SYT1: variants seen among roughly 807,000 people sequenced by gnomAD.
SYT1 encodes synaptotagmin 1.
A neutral mutation model predicts 44.8 loss-of-function variants in SYT1; 8 were observed. That is an observed-to-expected ratio of 0.18 (90% confidence interval 0.10 to 0.32). SYT1 has a LOEUF of 0.32. Ranked by LOEUF, SYT1 falls within the 10% of genes least tolerant of loss-of-function variation. The pLI, the probability that SYT1 is intolerant of heterozygous loss-of-function variation, is 1.00. For synonymous variants in SYT1, 154 were observed against 188.8 expected (o/e 0.82, Z 1.51); for missense variants, 286 against 509.3 (o/e 0.56, Z 4.22).
At chr12:79,438,277 A>G (rs1217262155) in intron 9 of SYT1, among the ~76,000 whole-genome samples, 2 of 152,166 alleles carry the variant, frequency 1.3e-5, no homozygotes, top group African/African-American at 4.8e-5. Context: ...CAAAAAAAAG[A>G]TGGCAGATTC....
intron 8 of SYT1, among the ~76,000 whole-genome samples, chr12:79,320,756 TG>T (rs1218007790): frequency 1.3e-5 from 2 of 150,954 alleles, no homozygotes; most frequent in Admixed American, 6.6e-5. Flanking sequence ...CCAAGTAGCT[TG>T]GACTATAGGC....
chr12:78,970,694 T>G (rs1450126625), intron 1 of SYT1, among the ~76,000 whole-genome samples: 1 of 152,142 alleles, frequency 6.6e-6, no homozygotes, highest in African/African-American at 2.4e-5. Context: ...CCACTAGCCT[T>G]TAGCACATAC....
intron 2 of SYT1, among the ~76,000 whole-genome samples, chr12:79,030,021 C>T (rs1565771232): frequency 6.6e-6 from 1 of 151,000 alleles, no homozygotes; most frequent in Non-Finnish European, 1.5e-5. Flanking sequence ...GTTTTCTCTT[C>T]AACATGTGAT....
At chr12:79,336,993 A>G (rs1882120207) in intron 8 of SYT1, among the ~76,000 whole-genome samples, 1 of 151,978 alleles carries the variant, frequency 6.6e-6, no homozygotes, top group African/African-American at 2.4e-5. Flanking sequence ...TCCTTTAAAT[A>G]GCTCTTCTCT....
chr12:79,306,808 G>A lies in SYT1; in HGVS notation c.810+7257G>A, dbSNP rs1163652452. ...AAGCTGGCAGAGCAGAAAGTGAGGA[G>A]TGGGAGTTGAAATGGGAACAAATAT... On this transcript the variant is annotated intron_variant, in intron 8 of 10. Transcript: ENST00000261205. Among the ~76,000 whole-genome samples the A allele has an allele frequency of 2.0e-5, 3 of 152,194 alleles. No individual in the cohort carries two copies. The South Asian group carries it at 6.2e-4, about 32-fold the overall frequency.
chr12:79,332,461 T>G (rs1592973933), intron 8 of SYT1, among the ~76,000 whole-genome samples: 1 of 152,200 alleles, frequency 6.6e-6, no homozygotes, highest in East Asian at 1.9e-4. Flanking sequence ...GAGATGATCT[T>G]GACTTTCTCT....
intron 3 of SYT1, among the ~76,000 whole-genome samples, chr12:79,154,483 T>C (rs1450039600): frequency 6.6e-6 from 1 of 151,760 alleles, no homozygotes; most frequent in Non-Finnish European, 1.5e-5. Flanking sequence ...AGCTTGTAAG[T>C]TTTGGAGCTA....
intron 8 of SYT1, among the ~76,000 whole-genome samples, chr12:79,300,031 T>C (rs1880059139): frequency 6.6e-6 from 1 of 152,198 alleles, no homozygotes; most frequent in Non-Finnish European, 1.5e-5. Flanking sequence ...TACGAGAGCA[T>C]GATTGGTCAA....
intron 1 of SYT1, among the ~76,000 whole-genome samples, chr12:78,884,085 C>T (rs1874605071): frequency 6.6e-6 from 1 of 151,442 alleles, no homozygotes; most frequent in South Asian, 2.1e-4. Context: ...TGTTTTCTTT[C>T]AGTCAGCCAC....
At chr12:79,028,046 A>T (rs1001023224) in intron 2 of SYT1, among the ~76,000 whole-genome samples, 4 of 151,560 alleles carry the variant, frequency 2.6e-5, no homozygotes, top group African/African-American at 9.7e-5. Context: ...AGGATATTGA[A>T]TATGACCAAA....
At position 79,421,087 on chromosome 12, in the gene SYT1, T is replaced by G. The variant is rs140078537; in HGVS notation, c.929-22986T>G. Reference sequence around the variant, plus strand: ...TTAGGAGGGAATTTATTGTTAGTACTTTCAAAGTAGACCTAAAAACACCAC... The same window carrying G: ...TTAGGAGGGAATTTATTGTTAGTACGTTCAAAGTAGACCTAAAAACACCAC... On this transcript the variant is annotated intron_variant, in intron 9 of 10. Transcript: ENST00000261205. Among the ~76,000 whole-genome samples the G allele has an allele frequency of 2.0e-5, 3 of 152,244 alleles. No homozygotes were observed. In the East Asian group the frequency reaches 5.8e-4, roughly 29 times the overall value.
At chr12:78,989,435 A>T (rs948778880) in intron 2 of SYT1, among the ~76,000 whole-genome samples, 6 of 152,136 alleles carry the variant, frequency 3.9e-5, no homozygotes, top group Non-Finnish European at 5.9e-5. Flanking sequence ...GATTATTGAT[A>T]TGAAAACCCT....
chr12:79,031,800 C>T (rs2137674579), intron 2 of SYT1, among the ~76,000 whole-genome samples: 1 of 151,146 alleles, frequency 6.6e-6, no homozygotes, highest in Non-Finnish European at 1.5e-5. Flanking sequence ...AAATCCTAAT[C>T]ATGGGAAATG....
At chr12:78,931,957 T>A (rs762716357) in intron 1 of SYT1, among the ~76,000 whole-genome samples, 2 of 145,804 alleles carry the variant, frequency 1.4e-5, no homozygotes, top group Non-Finnish European at 3.0e-5. Flanking sequence ...TCTACAAGAA[T>A]CTTTAAACTT....
At position 79,296,074 on chromosome 12, in the gene SYT1, G is replaced by A. The variant is rs755672472; in HGVS notation, c.480G>A (p.Leu160=). 1.9e-5 allele frequency: 30 copies of A among 1,608,974 alleles called. No homozygotes were observed. The highest frequency in any genetic ancestry group is 3.4e-5 in the Admixed American group (2 of 58,850). Residue 160 remains leucine, a synonymous_variant, in exon 7 of 11, where the codon CTG becomes CTA. Coordinates refer to ENST00000261205, the MANE Select transcript of SYT1 (RefSeq NM_005639.3). ...LDYDFQNNQL[L]VGIIQAAELP... ...TATTCTGTCATTTATTTCAGCTGCT[G>A]GTAGGGATCATTCAGGCTGCCGAAC... is the stretch of plus-strand genomic sequence containing the variant.
chr12:79,375,875 T>C (rs978509790), intron 9 of SYT1, among the ~76,000 whole-genome samples: 25 of 152,236 alleles, frequency 1.6e-4, no homozygotes, highest in East Asian at 7.7e-4. Flanking sequence ...CAACTCACAA[T>C]GATAAAGCCA....
chr12:79,040,515 G>T (rs1258147448), intron 2 of SYT1, among the ~76,000 whole-genome samples: 1 of 152,070 alleles, frequency 6.6e-6, no homozygotes, highest in Non-Finnish European at 1.5e-5. Flanking sequence ...TGTAGATTCT[G>T]GATATTAGCC....
intron 3 of SYT1, among the ~76,000 whole-genome samples, chr12:79,167,577 T>C (rs1871290832): frequency 6.6e-6 from 1 of 152,044 alleles, no homozygotes; most frequent in African/African-American, 2.4e-5. Flanking sequence ...CCCTAGAATG[T>C]ATTACTGAAA....
At chr12:79,328,217 T>A (rs186036847) in intron 8 of SYT1, among the ~76,000 whole-genome samples, 150 of 152,328 alleles carry the variant, frequency 9.8e-4, no homozygotes, top group African/African-American at 3.6e-3. Context: ...ATTTTGTTAC[T>A]GATCAGATAG....
Sources: allele counts gnomAD v4.1 joint callset (sites outside exome capture counted in the v4.1 genomes callset), GRCh38; gene constraint gnomAD v4.1.1; transcripts MANE v1.5; gene names NCBI Gene and HGNC (gene_info 2026-07-23, HGNC 2026-07-21).